The following CADPS2 variants were observed in gnomAD, a reference collection of about 807,000 sequenced individuals.
The protein encoded by CADPS2 is calcium dependent secretion activator 2.
In CADPS2, 93 loss-of-function variants were observed where a neutral mutation model predicts 172.5. That is an observed-to-expected ratio of 0.54 (90% CI 0.46 to 0.64). The LOEUF (loss-of-function observed/expected upper bound fraction) is 0.64, where lower values mean the gene tolerates loss of function less well. Among genes scored for constraint, CADPS2 ranks in the 30% least tolerant of loss-of-function variants. The probability of loss-of-function intolerance (pLI) is 0.00; values close to 1 mark genes in which losing one functional copy is unlikely to be tolerated. For synonymous variants in CADPS2, 546 were observed against 555.2 expected, an observed-to-expected ratio of 0.98 and a Z score of 0.23; for missense variants, 1,420 against 1,565.9, an observed-to-expected ratio of 0.91 and a Z score of 1.57.
At chr7:122,669,287 C>T (rs11761460) in intron 2 of CADPS2, among the ~76,000 whole-genome samples, 26,538 of 151,612 alleles carry the variant, frequency 0.18, 3,117 homozygotes, top group Non-Finnish European at 0.26. Flanking sequence ...GCCATGATCA[C>T]ACCACTGCAC....
At chr7:122,392,014 A>G (rs1218035363) in intron 22 of CADPS2, among the ~76,000 whole-genome samples, 1 of 152,116 alleles carries the variant, frequency 6.6e-6, no homozygotes, top group Non-Finnish European at 1.5e-5. Flanking sequence ...GGATAATGAT[A>G]TGAGGTTGTT....
rs1196364445 is a variant in CADPS2 at position 122,325,464 on chromosome 7, A to C, written c.3717+13T>G. ...CTTAGTGGGCAATTCATATCTAAAC[A>C]CATTTTGTTTACCTTCACAATCTTG... On this transcript the variant is annotated intron_variant, in intron 29 of 29. Transcript: ENST00000449022. The C allele has an allele frequency of 1.9e-6, 3 of 1,551,526 alleles. No individual in the cohort carries two copies. Among genetic ancestry groups the C allele is most frequent in the Non-Finnish European group, 1.8e-6 (2 of 1,130,162 alleles).
chr7:122,872,933 A>C (rs777295568), intron 1 of CADPS2, among the ~76,000 whole-genome samples: 3 of 152,122 alleles, frequency 2.0e-5, no homozygotes, highest in African/African-American at 7.2e-5. Context: ...CTTAAAATAC[A>C]TGTGTCCTGC....
intron 24 of CADPS2, chr7:122,386,394 A>G (rs1417742113): frequency 7.1e-6 from 6 of 847,520 alleles, no homozygotes; most frequent in Non-Finnish European, 8.5e-6. Flanking sequence ...AGTAATTACA[A>G]TGGGAAAAAA....
chr7:122,455,484 C>T (rs1219979188), intron 14 of CADPS2, among the ~76,000 whole-genome samples: 2 of 151,578 alleles, frequency 1.3e-5, no homozygotes, highest in African/African-American at 4.9e-5. Context: ...GATATATTTA[C>T]CTATTTGGTT....
intron 1 of CADPS2, among the ~76,000 whole-genome samples, chr7:122,806,421 A>G (rs1031554423): frequency 1.3e-5 from 2 of 152,212 alleles, no homozygotes; most frequent in Admixed American, 6.5e-5. Flanking sequence ...AGAATCTACA[A>G]TTTATTGCCC....
In CADPS2 at chr7:122,655,972, T is replaced by C. The variant is rs2430043; in HGVS notation, c.786+7265A>G. Among the ~76,000 whole-genome samples, 982 of 152,260 alleles carry C rather than the reference T, an allele frequency of 6.4e-3. 7 individuals are homozygous for C. The highest frequency in any genetic ancestry group is 0.023 in the African/African-American group (945 of 41,544). On this transcript the variant is annotated intron_variant, in intron 3 of 29. Coordinates refer to ENST00000449022, the MANE Select transcript of CADPS2 (RefSeq NM_017954.11). Reference sequence around the variant, plus strand: ...TGGGCAAGCTGCAAATCATTGACTTTTCTTGGACTTCTCAGAGAACTGAGT... The same window carrying C: ...TGGGCAAGCTGCAAATCATTGACTTCTCTTGGACTTCTCAGAGAACTGAGT...
At position 122,334,980 on chromosome 7, in the gene CADPS2, A is replaced by C. The variant is rs1313804741; in HGVS notation, c.3613-9399T>G. Reference sequence around the variant, plus strand: ...TCTTTGATAAATATAGGTTCAATTAATAAATAATTAATAAGAGGGGTTTCA... The same window carrying C: ...TCTTTGATAAATATAGGTTCAATTACTAAATAATTAATAAGAGGGGTTTCA... On this transcript the variant is annotated intron_variant, in intron 28 of 29. Transcript: ENST00000449022. 1.2e-4 allele frequency among the ~76,000 whole-genome samples: 18 copies of C among 152,188 alleles called. 1 individual carries two copies. The highest frequency in any genetic ancestry group is 2.4e-4 in the Non-Finnish European group (16 of 68,038).
intron 1 of CADPS2, among the ~76,000 whole-genome samples, chr7:122,791,311 G>T (rs552880493): frequency 1.7e-4 from 26 of 151,980 alleles, no homozygotes; most frequent in Non-Finnish European, 3.5e-4. Flanking sequence ...GATGGTATGA[G>T]ATGAAGCTCT....
chr7:122,575,407 G>A (rs955115982), intron 7 of CADPS2, among the ~76,000 whole-genome samples: 1 of 150,940 alleles, frequency 6.6e-6, no homozygotes, highest in African/African-American at 2.4e-5. Flanking sequence ...GTAAGGAAAT[G>A]TTCAATTCTT....
intron 17 of CADPS2, among the ~76,000 whole-genome samples, chr7:122,421,402 T>C (rs1271631525): frequency 6.6e-6 from 1 of 152,192 alleles, no homozygotes; most frequent in African/African-American, 2.4e-5. Flanking sequence ...TGAAGGACTA[T>C]GGAAATAATT....
chr7:122,875,596 T>C (rs958639728), intron 1 of CADPS2, among the ~76,000 whole-genome samples: 1 of 152,172 alleles, frequency 6.6e-6, no homozygotes, highest in East Asian at 1.9e-4. Context: ...CTAAGTACCA[T>C]AAGCAACATT....
chr7:122,644,576 G>C (rs542220711), intron 3 of CADPS2, among the ~76,000 whole-genome samples: 3 of 152,092 alleles, frequency 2.0e-5, no homozygotes, highest in African/African-American at 7.2e-5. Context: ...CCAAAACAGA[G>C]TAATTCCACC....
intron 1 of CADPS2, among the ~76,000 whole-genome samples, chr7:122,815,859 G>A (rs1051894487): frequency 5.3e-5 from 8 of 152,040 alleles, no homozygotes; most frequent in Non-Finnish European, 1.0e-4. Flanking sequence ...CTGCTTTCTC[G>A]AAGGTTAATT....
chr7:122,768,202 A>C (rs1413652758), intron 1 of CADPS2, among the ~76,000 whole-genome samples: 3 of 152,170 alleles, frequency 2.0e-5, no homozygotes, highest in African/African-American at 7.2e-5. Flanking sequence ...TTAGCCATAG[A>C]AAAACAGCTG....
intron 1 of CADPS2, among the ~76,000 whole-genome samples, chr7:122,781,541 T>C (rs1792727280): frequency 6.6e-6 from 1 of 152,212 alleles, no homozygotes; most frequent in African/African-American, 2.4e-5. Context: ...TAACAACTGA[T>C]GATACAACTT....
At chr7:122,454,620 CAGTT>C (rs1292766272) in intron 14 of CADPS2, among the ~76,000 whole-genome samples, 1 of 152,074 alleles carries the variant, frequency 6.6e-6, no homozygotes, top group Non-Finnish European at 1.5e-5. Context: ...ATCAGCAAGT[CAGTT>C]AAAGAAGACC....
intron 24 of CADPS2, among the ~76,000 whole-genome samples, chr7:122,383,025 T>C (rs2043203184): frequency 6.6e-6 from 1 of 152,180 alleles, no homozygotes; most frequent in East Asian, 1.9e-4. Flanking sequence ...AAAAACCACT[T>C]GAACTTGTAT....
At position 122,474,473 on chromosome 7, in the gene CADPS2, C is replaced by G. The variant is rs1371088782; in HGVS notation, c.1906G>C (p.Ala636Pro). The G allele has an allele frequency of 6.2e-7, 1 of 1,613,228 alleles. No individual in the cohort carries two copies. The highest frequency in any genetic ancestry group is 8.5e-7 in the Non-Finnish European group (1 of 1,179,582). ...GCATGATCAAGCTTGCAGGGGTTTG[C>G]AGAAATAAACTCATCCATACCATGT... is the stretch of plus-strand genomic sequence containing the variant. The part of the protein sequence containing the change: ...QKHGMDEFIS[A>P]NPCKLDHAFL... Residue 636 changes from alanine (A) to proline (P), a missense_variant, in exon 13 of 30, where the codon GCA becomes CCA. Transcript: ENST00000449022.
Sources: gnomAD v4.1 joint callset for allele counts (sites outside exome capture counted in the v4.1 genomes callset) on GRCh38, gnomAD v4.1.1 for gene constraint, MANE v1.5 for transcripts, NCBI Gene and HGNC (gene_info 2026-07-23, HGNC 2026-07-21) for gene names.